The following AHCYL2 variants were observed in gnomAD, a reference collection of about 807,000 sequenced individuals.
The protein encoded by AHCYL2 is S-adenosylhomocysteine hydrolase-like protein 2.
AHCYL2 carries 28 observed loss-of-function variants against 81.4 expected under a neutral mutation model. That is an observed-to-expected ratio of 0.34 (90% confidence interval 0.25 to 0.47). AHCYL2 has a LOEUF of 0.47. Among genes scored for constraint, AHCYL2 ranks in the 20% least tolerant of loss-of-function variants. The probability of loss-of-function intolerance (pLI) is 1.00; values close to 1 mark genes in which losing one functional copy is unlikely to be tolerated. For missense variants in AHCYL2, 551 were observed against 785.1 expected, an observed-to-expected ratio of 0.70 and a Z score of 3.56; for synonymous variants, 272 against 290.2, an observed-to-expected ratio of 0.94 and a Z score of 0.64.
intron 1 of AHCYL2, among the ~76,000 whole-genome samples, chr7:129,378,751 G>A (rs185556570): frequency 2.5e-4 from 38 of 152,248 alleles, no homozygotes; most frequent in Admixed American, 1.2e-3. Flanking sequence ...ATCTAGATAT[G>A]TGGAGCTTAC....
At chr7:129,245,187 G>A (rs577914771) in intron 1 of AHCYL2, among the ~76,000 whole-genome samples, 2 of 151,994 alleles carry the variant, frequency 1.3e-5, no homozygotes, top group East Asian at 3.9e-4. Flanking sequence ...ACCATGCCTA[G>A]CTAATTTTTG....
intron 3 of AHCYL2, 36 bp downstream of exon 3, chr7:129,389,235 C>T (rs780791057): frequency 1.2e-6 from 2 of 1,612,946 alleles, no homozygotes; most frequent in African/African-American, 2.7e-5. Flanking sequence ...TCTTAACCTA[C>T]CTGTGTCTTT....
In AHCYL2 at chr7:129,406,020, T is replaced by C; in HGVS notation, c.1206+121T>C. ...TACCACTTTAGATGAGAAAAAGAAT[T>C]TCAGAGGCCTTCTGGTTGAAGTAGA... On this transcript the variant is annotated intron_variant, in intron 9 of 16. Transcript: ENST00000325006. This position sits in a 1 kb window ranked among gnomAD's most constrained non-coding sequence, Gnocchi z 4.3. 1 of 877,150 alleles carries C rather than the reference T, an allele frequency of 1.1e-6. No individual in the cohort carries two copies. 54.3% of individuals were successfully genotyped at this position (877,150 alleles called of 1,614,324 possible).
chr7:129,378,492 A>T (rs1416515144), intron 1 of AHCYL2, among the ~76,000 whole-genome samples: 1 of 152,148 alleles, frequency 6.6e-6, no homozygotes, highest in Non-Finnish European at 1.5e-5. Context: ...TGTCTCATTG[A>T]ACCCTCTCTA....
intron 1 of AHCYL2, among the ~76,000 whole-genome samples, chr7:129,290,424 C>G (rs12216567): frequency 0.65 from 97,516 of 150,070 alleles, 32,275 homozygotes; most frequent in Middle Eastern, 0.73. Flanking sequence ...TGGTATGAAC[C>G]CGGGAGGCGG....
At chr7:129,298,610 T>A (rs1761759500) in intron 1 of AHCYL2, among the ~76,000 whole-genome samples, 2 of 152,082 alleles carry the variant, frequency 1.3e-5, no homozygotes, top group African/African-American at 2.4e-5. Context: ...GATTTTGGAG[T>A]TTTTTCCTAA....
chr7:129,276,106 A>T (rs1234438809), intron 1 of AHCYL2, among the ~76,000 whole-genome samples: 1 of 152,164 alleles, frequency 6.6e-6, no homozygotes, highest in Non-Finnish European at 1.5e-5. Flanking sequence ...TTGGAAATTT[A>T]AAAGCATACT....
intron 6 of AHCYL2, among the ~76,000 whole-genome samples, chr7:129,402,480 T>C (rs1466556560): frequency 6.6e-6 from 1 of 152,212 alleles, no homozygotes; most frequent in Non-Finnish European, 1.5e-5. Flanking sequence ...AACCCAGTTC[T>C]GTGGGACTTT....
At chr7:129,405,243 G>A in intron 8 of AHCYL2, 30 bp downstream of exon 8, 1 of 1,522,352 alleles carries the variant, frequency 6.6e-7, no homozygotes, top group Non-Finnish European at 9.0e-7. Context: ...AGATGAAGTT[G>A]TGATGTCCAG....
intron 1 of AHCYL2, among the ~76,000 whole-genome samples, chr7:129,347,008 A>C (rs1793383898): frequency 6.6e-6 from 1 of 152,242 alleles, no homozygotes; most frequent in Non-Finnish European, 1.5e-5. Context: ...GCTGAAATGC[A>C]TATTACTAAG....
In AHCYL2 at chr7:129,371,868, A is replaced by G. The variant is rs546043812; in HGVS notation, c.364-7770A>G. 2.0e-5 allele frequency among the ~76,000 whole-genome samples: 3 copies of G among 152,354 alleles called. No individual in the cohort carries two copies. In the South Asian group the frequency reaches 6.2e-4, roughly 32 times the overall value. ...TTTTCATAGGTAAAGAGTTAGTTCA[A>G]GCCGCTCATTTGGCTTGGAAGAGAG... On this transcript the variant is annotated intron_variant, in intron 1 of 16. Coordinates refer to ENST00000325006, the MANE Select transcript of AHCYL2 (RefSeq NM_015328.4).
intron 1 of AHCYL2, among the ~76,000 whole-genome samples, chr7:129,280,844 T>G (rs1031948243): frequency 6.6e-6 from 1 of 151,972 alleles, no homozygotes; most frequent in African/African-American, 2.4e-5. Context: ...TTAATTTTGT[T>G]AACATGGTGA....
chr7:129,387,115 A>G (rs1795239926), intron 2 of AHCYL2, among the ~76,000 whole-genome samples: 1 of 152,184 alleles, frequency 6.6e-6, no homozygotes, highest in Admixed American at 6.6e-5. Flanking sequence ...ATATAGTCTT[A>G]TGACATCCTG....
At chr7:129,247,525 T>C (rs975705068) in intron 1 of AHCYL2, among the ~76,000 whole-genome samples, 2 of 152,230 alleles carry the variant, frequency 1.3e-5, no homozygotes, top group Admixed American at 6.5e-5. Flanking sequence ...TCTTTTCATT[T>C]TCCTGATGAT....
chr7:129,350,756 C>G (rs568655675), intron 1 of AHCYL2, among the ~76,000 whole-genome samples: 2 of 128,040 alleles, frequency 1.6e-5, no homozygotes, highest in African/African-American at 5.9e-5. Context: ...GAGTTTTGCT[C>G]TGTTACTCAG....
intron 1 of AHCYL2, among the ~76,000 whole-genome samples, chr7:129,241,454 G>A (rs1044389132): frequency 2.6e-5 from 4 of 152,058 alleles, no homozygotes; most frequent in African/African-American, 9.7e-5. Context: ...AGCCAGGTGT[G>A]GTGGTGTGCA....
intron 4 of AHCYL2, among the ~76,000 whole-genome samples, chr7:129,391,545 C>T (rs1336008524): frequency 6.6e-6 from 1 of 152,142 alleles, no homozygotes; most frequent in Non-Finnish European, 1.5e-5. Context: ...CCAAAAATGC[C>T]CCCACAATTT....
intron 1 of AHCYL2, chr7:129,376,003 T>C (rs1794669968): frequency 2.0e-6 from 3 of 1,501,290 alleles, no homozygotes; most frequent in African/African-American, 2.8e-5. Context: ...TTATACTCTT[T>C]TTCCCCTCCT....
chr7:129,244,656 C>G (rs149473088), intron 1 of AHCYL2, among the ~76,000 whole-genome samples: 1 of 152,248 alleles, frequency 6.6e-6, no homozygotes, highest in Non-Finnish European at 1.5e-5. Context: ...AGGACTCCAC[C>G]CTCATGACCT....
Sources: allele counts gnomAD v4.1 joint callset (sites outside exome capture counted in the v4.1 genomes callset), GRCh38; gene constraint gnomAD v4.1.1; non-coding constraint Gnocchi (gnomAD v3.1); transcripts MANE v1.5; gene names NCBI Gene and HGNC (gene_info 2026-07-23, HGNC 2026-07-21).